The following DCDC1 variants were observed in gnomAD, a reference collection of about 807,000 sequenced individuals.
The protein encoded by DCDC1 is doublecortin domain containing 1.
DCDC1 carries 200 observed loss-of-function variants against 178.3 expected under a neutral mutation model. That is an observed-to-expected ratio of 1.12 (90% CI 1.00 to 1.26). DCDC1 has a LOEUF of 1.26. Ranked by LOEUF, DCDC1 falls within the 50% of genes most tolerant of loss-of-function variation. The pLI is 0.00. For missense variants in DCDC1, 1,983 were observed against 1,749.2 expected (o/e 1.13, Z -2.38); for synonymous variants, 690 against 604.8 (o/e 1.14, Z -2.07).
intron 18 of DCDC1, among the ~76,000 whole-genome samples, chr11:31,071,687 G>A (rs1162021440): frequency 6.6e-6 from 1 of 152,106 alleles, no homozygotes; most frequent in Non-Finnish European, 1.5e-5. Flanking sequence ...CTTCCACTAT[G>A]TCATCCAAAG....
chr11:31,075,581 C>T (rs1956816765), intron 18 of DCDC1, among the ~76,000 whole-genome samples: 2 of 152,078 alleles, frequency 1.3e-5, no homozygotes, highest in Admixed American at 1.3e-4. Flanking sequence ...TTCTTCATAA[C>T]AGCCATTCTA....
At position 31,307,809 on chromosome 11, in the gene DCDC1, T is replaced by G. The variant is rs752498054; in HGVS notation, c.264A>C (p.Val88=). ...GPNRLVHSAA[V]SEGSGLQDCS... is the part of the protein sequence containing the mutation. ...AATCTTGAAGTCCTGACCCTTCTGATACTGCTGCTGAATGCACGAGTCTGT... is the reference window on the plus strand; with the variant it reads ...AATCTTGAAGTCCTGACCCTTCTGAGACTGCTGCTGAATGCACGAGTCTGT... The change falls in exon 4 of 39, where the codon GTA becomes GTC. Residue 88 remains valine, a synonymous_variant. Transcript: ENST00000684477. The G allele has an allele frequency of 6.2e-7, 1 of 1,614,166 alleles. No individual in the cohort carries two copies. Among genetic ancestry groups the G allele is most frequent in the Non-Finnish European group, 8.5e-7 (1 of 1,179,994 alleles).
Position 30,878,728 on chromosome 11 carries a change from A to T in DCDC1, c.5234-17T>A, listed in dbSNP as rs780785605. On this transcript the variant is annotated splice_polypyrimidine_tract_variant and intron_variant, in intron 37 of 38. Coordinates refer to ENST00000684477, the MANE Select transcript of DCDC1 (RefSeq NM_001387274.1). ...GTTTTAACTCTGTTAAAAAAAAAAA[A>T]AAAAGAAGTTGAGAGACAAGTCAAT... 2.6e-6 allele frequency: 4 copies of T among 1,560,606 alleles called. No individual in the cohort carries two copies. In the African/African-American group the frequency reaches 5.6e-5, roughly 22 times the overall value.
intron 9 of DCDC1, among the ~76,000 whole-genome samples, chr11:31,212,608 T>C (rs1409306751): frequency 6.6e-6 from 1 of 152,176 alleles, no homozygotes; most frequent in East Asian, 1.9e-4. Flanking sequence ...AACAGATTTT[T>C]CAAATGAGAT....
intron 21 of DCDC1, 21 bp from the exon 22 acceptor site, chr11:30,931,973 A>G: frequency 1.3e-6 from 2 of 1,590,290 alleles, no homozygotes; most frequent in Non-Finnish European, 1.7e-6. Flanking sequence ...AAATGACAAA[A>G]ACATAATAAT....
chr11:31,324,010 A>C (rs911821494), intron 3 of DCDC1, among the ~76,000 whole-genome samples: 3 of 152,148 alleles, frequency 2.0e-5, no homozygotes, highest in Non-Finnish European at 4.4e-5. Flanking sequence ...CCAATTCCAG[A>C]AGAAAATGTA....
chr11:30,957,185 T>C (rs935103587), intron 20 of DCDC1, among the ~76,000 whole-genome samples: 2 of 152,148 alleles, frequency 1.3e-5, no homozygotes, highest in Non-Finnish European at 2.9e-5. Flanking sequence ...CTTTCTGCTG[T>C]TAATTTTCCT....
intron 10 of DCDC1, among the ~76,000 whole-genome samples, chr11:31,135,907 A>G (rs1474286699): frequency 6.6e-6 from 1 of 152,090 alleles, no homozygotes; most frequent in African/African-American, 2.4e-5. Flanking sequence ...AAAACTACGT[A>G]TTTGCTATAC....
chr11:30,917,383 C>T (rs1463709150), intron 25 of DCDC1, among the ~76,000 whole-genome samples: 1 of 152,128 alleles, frequency 6.6e-6, no homozygotes, highest in Non-Finnish European at 1.5e-5. Flanking sequence ...CTCTCTACCC[C>T]ATAATTGGGT....
At chr11:31,273,875 C>T (rs1945775773) in intron 7 of DCDC1, among the ~76,000 whole-genome samples, 1 of 152,166 alleles carries the variant, frequency 6.6e-6, no homozygotes, top group Non-Finnish European at 1.5e-5. Flanking sequence ...CAAGTCATGT[C>T]TTACATGGAT....
At chr11:31,300,199 G>A (rs1241395749) in intron 6 of DCDC1, among the ~76,000 whole-genome samples, 1 of 152,128 alleles carries the variant, frequency 6.6e-6, no homozygotes, top group Admixed American at 6.5e-5. Flanking sequence ...AAGAAACTTA[G>A]GCTTAGCGAG....
intron 18 of DCDC1, among the ~76,000 whole-genome samples, chr11:31,077,307 A>G (rs770112092): frequency 5.9e-5 from 9 of 152,180 alleles, no homozygotes; most frequent in South Asian, 4.1e-4. Flanking sequence ...GGGTCTTTAG[A>G]AAAACATTTG....
chr11:30,989,701 T>C (rs1950864868), intron 20 of DCDC1, among the ~76,000 whole-genome samples: 1 of 152,064 alleles, frequency 6.6e-6, no homozygotes, highest in African/African-American at 2.4e-5. Flanking sequence ...ATTTATAGAG[T>C]CGGAGAAAGC....
chr11:30,914,194 G>A (rs544300961), intron 27 of DCDC1, among the ~76,000 whole-genome samples: 2 of 152,336 alleles, frequency 1.3e-5, no homozygotes, highest in South Asian at 4.1e-4. Context: ...CTTAGCCCAG[G>A]TGAATGGGGC....
In DCDC1 at chr11:31,102,249, G is replaced by T; in HGVS notation, c.1911C>A (p.Phe637Leu). The change falls in exon 15 of 39, where the codon TTC (phenylalanine) becomes TTA (leucine). Residue 637 changes from phenylalanine (F) to leucine (L), a missense_variant. Coordinates refer to ENST00000684477, the MANE Select transcript of DCDC1 (RefSeq NM_001387274.1). ...CAGGTATCTGTTGACTGGTACAGTT[G>T]AAATTAATTGGAAATCCCTCACAAA... ...WEVCEGFPIN[F>L]NCTSQQIPDQ... 2 of 728,912 alleles carry T rather than the reference G, an allele frequency of 2.7e-6. No individual in the cohort carries two copies. The highest frequency in any genetic ancestry group is 5.1e-6 in the Non-Finnish European group (2 of 394,566). 45.2% of individuals were successfully genotyped at this position (728,912 alleles called of 1,614,324 possible).
chr11:31,304,197 A>G (rs560082425), intron 6 of DCDC1, among the ~76,000 whole-genome samples: 34 of 152,224 alleles, frequency 2.2e-4, no homozygotes, highest in African/African-American at 7.2e-4. Context: ...TGTCCAGGAG[A>G]TTTTCTTCTT....
intron 1 of DCDC1, among the ~76,000 whole-genome samples, chr11:31,352,820 A>AG (rs1294347411): frequency 6.6e-6 from 1 of 152,224 alleles, no homozygotes; most frequent in East Asian, 1.9e-4. Context: ...GTAGCCCTCT[A>AG]GGAGTGAGGA....
chr11:31,102,193 T>C lies in DCDC1; in HGVS notation c.1967A>G (p.His656Arg). ...AAATCCCACCTTGTTCTGTAGAAAA[T>C]GGTTCTCCAAGTCCACCTTTTCAAA... is the stretch of plus-strand genomic sequence containing the variant. ...DQFEKVDLENHFLQNKVDPNI... is the reference protein window; with the variant it reads ...DQFEKVDLENRFLQNKVDPNI... The change falls in exon 15 of 39, where the codon CAT becomes CGT. Residue 656 changes from histidine (H) to arginine (R), a missense_variant. By Grantham distance (29) the His-to-Arg change is conservative. Transcript: ENST00000684477. The C allele has an allele frequency of 1.4e-6, 1 of 722,068 alleles. No homozygotes were observed. Among genetic ancestry groups the C allele is most frequent in the Non-Finnish European group, 2.6e-6 (1 of 391,226 alleles). 44.7% of individuals were successfully genotyped at this position (722,068 alleles called of 1,614,324 possible). A position where few individuals can be genotyped will look rare whatever the true frequency, so the allele number is the denominator to read the frequency against.
intron 20 of DCDC1, among the ~76,000 whole-genome samples, chr11:30,985,183 G>C (rs1241643706): frequency 6.6e-6 from 1 of 152,172 alleles, no homozygotes; most frequent in African/African-American, 2.4e-5. Context: ...GGCAATAATT[G>C]TGAATCTTAA....
Sources: gnomAD v4.1 joint callset for allele counts (sites outside exome capture counted in the v4.1 genomes callset) on GRCh38, gnomAD v4.1.1 for gene constraint, MANE v1.5 for transcripts, NCBI Gene and HGNC (gene_info 2026-07-23, HGNC 2026-07-21) for gene names.